MTA3: variants seen among roughly 807,000 people sequenced by gnomAD.
The protein encoded by MTA3 is metastasis associated 1 family member 3.
MTA3 carries 34 observed loss-of-function variants against 83.5 expected under a neutral mutation model. That is an observed-to-expected ratio of 0.41 (90% CI 0.31 to 0.54). The LOEUF (loss-of-function observed/expected upper bound fraction) is 0.54. Ranked by LOEUF, MTA3 falls within the 20% of genes least tolerant of loss-of-function variation. The pLI is 0.33. For synonymous variants in MTA3, 303 were observed against 252.7 expected (o/e 1.20, Z -1.89); for missense variants, 761 against 726.4 (o/e 1.05, Z -0.55).
chr2:42,616,009 C>T (rs1040683867), intron 4 of MTA3, among the ~76,000 whole-genome samples: 9 of 151,628 alleles, frequency 5.9e-5, no homozygotes, highest in Non-Finnish European at 8.8e-5. Context: ...CATGAGCCAC[C>T]GTGCCCGGCC....
chr2:42,608,916 T>C (rs1439453674), intron 3 of MTA3, among the ~76,000 whole-genome samples: 1 of 152,168 alleles, frequency 6.6e-6, no homozygotes, highest in Non-Finnish European at 1.5e-5. Flanking sequence ...TAAATTGATA[T>C]GTAATATTTG....
intron 16 of MTA3, among the ~76,000 whole-genome samples, chr2:42,730,935 T>A (rs1393202410): frequency 6.6e-6 from 1 of 152,134 alleles, no homozygotes; most frequent in Non-Finnish European, 1.5e-5. Context: ...TCAATCTTGG[T>A]AGGTTGTATG....
At chr2:42,500,272 G>A (rs774927281) in intron 2 of MTA3, among the ~76,000 whole-genome samples, 26 of 152,198 alleles carry the variant, frequency 1.7e-4, no homozygotes, top group Non-Finnish European at 3.2e-4. Flanking sequence ...GGTGGTGGGC[G>A]CCTGTAATAC....
At chr2:42,719,768 T>A (rs1667275637) in intron 15 of MTA3, among the ~76,000 whole-genome samples, 1 of 152,172 alleles carries the variant, frequency 6.6e-6, no homozygotes, top group Admixed American at 6.5e-5. Flanking sequence ...GACTTGGAAA[T>A]CTCCAAAGAT....
At chr2:42,722,479 A>C (rs1667485114) in intron 15 of MTA3, among the ~76,000 whole-genome samples, 1 of 152,170 alleles carries the variant, frequency 6.6e-6, no homozygotes. Context: ...CGCATACGTG[A>C]CATGGTGCCT....
At chr2:42,563,919 G>T (rs1234403535), upstream of MTA3, among the ~76,000 whole-genome samples, 1 of 151,736 alleles carries the variant, frequency 6.6e-6, no homozygotes, top group African/African-American at 2.4e-5. Context: ...CGCCTCCCAG[G>T]TTTAAGCCAT....
chr2:42,494,700 C>G (rs1310663228), exon 1 of MTA3: 1 of 152,290 alleles, frequency 6.6e-6, no homozygotes, highest in Non-Finnish European at 1.5e-5. Context: ...AGATGCTGCC[C>G]TTAGAGTGGG....
chr2:42,670,017 C>T (rs548289705), intron 8 of MTA3, among the ~76,000 whole-genome samples: 17 of 152,222 alleles, frequency 1.1e-4, no homozygotes, highest in South Asian at 6.2e-4. Context: ...GTAATCCAGG[C>T]GTGAGGCCAA....
chr2:42,707,808 G>A (rs1666234477), intron 12 of MTA3, 95 bp from the exon 13 acceptor site: 7 of 1,278,540 alleles, frequency 5.5e-6, no homozygotes, highest in Non-Finnish European at 7.4e-6. Flanking sequence ...TGTAAACTAA[G>A]CATGACAAGT....
chr2:42,555,715 C>G (rs1471677852), intron 2 of MTA3, among the ~76,000 whole-genome samples: 2 of 151,650 alleles, frequency 1.3e-5, no homozygotes, highest in African/African-American at 4.8e-5. Flanking sequence ...TTGCAGTGAG[C>G]CAACAGGGTG....
intron 5 of MTA3, among the ~76,000 whole-genome samples, chr2:42,640,839 A>AT (rs1386256093): frequency 1.3e-5 from 2 of 152,166 alleles, no homozygotes; most frequent in Non-Finnish European, 2.9e-5. Flanking sequence ...ATATTTTAGT[A>AT]TCAGTGATGC....
rs1668011325 is a variant in MTA3 at position 42,728,879 on chromosome 2, A to C, written c.1759+5844A>C. ...ATTAATCCCTTGTCAGATGGATAGC[A>C]GATATTTTCTCCCATTCTGTGCATT... On this transcript the variant is annotated intron_variant, in intron 16 of 16. Coordinates refer to ENST00000405094, the MANE Select transcript of MTA3 (RefSeq NM_001330442.2). Among the ~76,000 whole-genome samples, 3 of 152,136 alleles carry C rather than the reference A, an allele frequency of 2.0e-5. No individual in the cohort carries two copies. The South Asian group carries it at 6.2e-4, about 31-fold the overall frequency.
intron 9 of MTA3, among the ~76,000 whole-genome samples, chr2:42,685,484 A>ACACTCTACC (rs1176510677): frequency 6.6e-6 from 1 of 152,178 alleles, no homozygotes; most frequent in African/African-American, 2.4e-5. Flanking sequence ...TAGGAAGCTA[A>ACACTCTACC]CACTCTACCT....
At chr2:42,736,482 C>T (rs1668624137) in intron 16 of MTA3, among the ~76,000 whole-genome samples, 1 of 152,136 alleles carries the variant, frequency 6.6e-6, no homozygotes, top group Admixed American at 6.6e-5. Context: ...CTCCAATCAG[C>T]AGGTGGCATA....
At position 42,693,830 on chromosome 2, in the gene MTA3, A is replaced by T. The variant is rs917596739; in HGVS notation, c.892-1935A>T. On this transcript the variant is annotated intron_variant, in intron 9 of 16. Transcript: ENST00000405094. ...TTAAACAGAAGAAGCCTTTCACCAT[A>T]GCCACCTATAGCTGGGAATGTGCTT... Among the ~76,000 whole-genome samples the T allele has an allele frequency of 5.3e-5, 8 of 152,130 alleles. No homozygotes were observed. The East Asian group carries it at 1.5e-3, about 29-fold the overall frequency.
At chr2:42,574,873 C>T (rs956512762) in intron 2 of MTA3, among the ~76,000 whole-genome samples, 7 of 152,170 alleles carry the variant, frequency 4.6e-5, no homozygotes, top group African/African-American at 1.7e-4. Context: ...ATTATTTAGT[C>T]TTTGAGACCA....
At chr2:42,659,949 G>A in intron 8 of MTA3, 87 bp downstream of exon 8, 2 of 1,002,606 alleles carry the variant, frequency 2.0e-6, no homozygotes, top group Admixed American at 3.1e-5. Flanking sequence ...TGTAGACCGG[G>A]AGCTTTTGGG....
intron 16 of MTA3, among the ~76,000 whole-genome samples, chr2:42,735,371 C>A (rs1668539230): frequency 6.6e-6 from 1 of 152,082 alleles, no homozygotes; most frequent in Non-Finnish European, 1.5e-5. Flanking sequence ...TGTTCCTTTT[C>A]TCTTGCTACT....
At chr2:42,507,032 G>A (rs534587647) in intron 2 of MTA3, among the ~76,000 whole-genome samples, 3 of 152,178 alleles carry the variant, frequency 2.0e-5, no homozygotes, top group African/African-American at 7.2e-5. Context: ...AGCCTCCCGA[G>A]TAGCTGGAGT....
Sources: allele counts gnomAD v4.1 joint callset (sites outside exome capture counted in the v4.1 genomes callset), GRCh38; gene constraint gnomAD v4.1.1; transcripts MANE v1.5; gene names NCBI Gene and HGNC (gene_info 2026-07-23, HGNC 2026-07-21).